The following SAMD4A variants were observed in gnomAD, a reference collection of about 807,000 sequenced individuals.
SAMD4A encodes protein Smaug homolog 1.
Under a neutral mutation model 81.3 loss-of-function variants are expected in SAMD4A, and 33 were observed. That is an observed-to-expected ratio of 0.41 (90% CI 0.31 to 0.54). The LOEUF (loss-of-function observed/expected upper bound fraction) is 0.54, where lower values mean the gene tolerates loss of function less well. Among genes scored for constraint, SAMD4A ranks in the 20% least tolerant of loss-of-function variants. The pLI, the probability that SAMD4A is intolerant of heterozygous loss-of-function variation, is 0.37. For synonymous variants in SAMD4A, 389 were observed against 382.1 expected (o/e 1.02, Z -0.21); for missense variants, 854 against 951.1 (o/e 0.90, Z 1.34).
At chr14:54,565,788 A>T (rs1298950784), upstream of SAMD4A, among the ~76,000 whole-genome samples, 1 of 151,020 alleles carries the variant, frequency 6.6e-6, no homozygotes, top group Non-Finnish European at 1.5e-5. The surrounding 1 kb of genome is among the most constrained non-coding windows in gnomAD (Gnocchi z 5.4). Flanking sequence ...CCTCCAGAAC[A>T]CGCAGGCGGC....
At chr14:54,764,387 TGA>T (rs2038482742) in intron 7 of SAMD4A, 66 bp from the exon 8 acceptor site, 1 of 1,063,318 alleles carries the variant, frequency 9.4e-7, no homozygotes, top group Middle Eastern at 2.1e-4. Flanking sequence ...TGAAGGGAAA[TGA>T]GAGTCAGGTC....
chr14:54,762,905 A>AGTGCAGTG (rs2038440417), intron 7 of SAMD4A, among the ~76,000 whole-genome samples: 2 of 149,284 alleles, frequency 1.3e-5, no homozygotes, highest in Non-Finnish European at 3.0e-5. Flanking sequence ...CGCAGGCTGG[A>AGTGCAGTG]GTGCAGTGGC....
rs982016951 is a variant in SAMD4A, at chr14:54,627,355, C to T, written c.196+59243C>T. 5.9e-5 allele frequency among the ~76,000 whole-genome samples: 9 copies of T among 152,004 alleles called. 1 individual carries two copies. The highest frequency in any genetic ancestry group is 5.8e-4 in the East Asian group (3 of 5,196). On this transcript the variant is annotated intron_variant, in intron 2 of 12. Coordinates refer to ENST00000554335, the MANE Select transcript of SAMD4A (RefSeq NM_015589.6). The stretch of plus-strand genomic sequence containing the variant: ...TAGTTTTTCAAAGACGCAGCTTGTC[C>T]GTTACATTTGCTGCTCCGTGGCTGA...
intron 2 of SAMD4A, among the ~76,000 whole-genome samples, chr14:54,572,311 A>G (rs1400307184): frequency 6.6e-6 from 1 of 152,092 alleles, no homozygotes; most frequent in Non-Finnish European, 1.5e-5. Context: ...TGAGGAGGAG[A>G]TACATTTGAG....
chr14:54,697,394 G>A (rs2036603005), intron 2 of SAMD4A, among the ~76,000 whole-genome samples: 1 of 152,180 alleles, frequency 6.6e-6, no homozygotes, highest in Admixed American at 6.5e-5. Flanking sequence ...ATCATAATCA[G>A]AAATTATGTA....
At chr14:54,614,878 A>G (rs533963190) in intron 2 of SAMD4A, among the ~76,000 whole-genome samples, 1 of 152,214 alleles carries the variant, frequency 6.6e-6, no homozygotes, top group Non-Finnish European at 1.5e-5. Context: ...GAAGTCCTCA[A>G]GTCAGAGGGG....
chr14:54,650,401 G>A (rs990797290), intron 2 of SAMD4A, among the ~76,000 whole-genome samples: 3 of 152,120 alleles, frequency 2.0e-5, no homozygotes, highest in Admixed American at 6.5e-5. Context: ...TCTTGCATTT[G>A]TTGGAATGGC....
intron 9 of SAMD4A, among the ~76,000 whole-genome samples, chr14:54,770,908 G>A (rs529095910): frequency 1.1e-4 from 16 of 152,238 alleles, no homozygotes; most frequent in Admixed American, 3.3e-4. Flanking sequence ...CAATGATAGG[G>A]AATTGTTGGG....
intron 2 of SAMD4A, among the ~76,000 whole-genome samples, chr14:54,612,993 T>C (rs933470592): frequency 6.6e-6 from 1 of 152,124 alleles, no homozygotes; most frequent in African/African-American, 2.4e-5. Context: ...GGCATGCACC[T>C]GTAGTCCCAG....
At chr14:54,769,351 G>T (rs935353555) in intron 8 of SAMD4A, among the ~76,000 whole-genome samples, 3 of 152,198 alleles carry the variant, frequency 2.0e-5, no homozygotes, top group Admixed American at 2.0e-4. Flanking sequence ...GAGAGTTCCT[G>T]CCTTGGAGAC....
At chr14:54,758,838 A>C (rs1200333669) in intron 6 of SAMD4A, among the ~76,000 whole-genome samples, 1 of 152,170 alleles carries the variant, frequency 6.6e-6, no homozygotes, top group East Asian at 1.9e-4. Flanking sequence ...TCCAAAAAAA[A>C]AAAAATTAAA....
At chr14:54,591,265 G>A (rs1421622989) in intron 2 of SAMD4A, among the ~76,000 whole-genome samples, 1 of 152,146 alleles carries the variant, frequency 6.6e-6, no homozygotes, top group East Asian at 1.9e-4. Flanking sequence ...CTAGCCTCTA[G>A]GGGTACTTTA....
chr14:54,782,879 TTC>T (rs1383279521), intron 11 of SAMD4A, among the ~76,000 whole-genome samples: 2 of 152,202 alleles, frequency 1.3e-5, no homozygotes, highest in Non-Finnish European at 2.9e-5. Context: ...CTTCTCTTTC[TTC>T]TCTCTCTGGC....
intron 2 of SAMD4A, among the ~76,000 whole-genome samples, chr14:54,605,458 TA>T (rs1473145339): frequency 1.3e-5 from 2 of 152,224 alleles, no homozygotes; most frequent in African/African-American, 4.8e-5. Context: ...TACATATTTT[TA>T]AAAATATGTG....
rs541311307 is a variant in SAMD4A, at chr14:54,635,368, T to C, written c.197-66694T>C. Among the ~76,000 whole-genome samples, 17 of 151,798 alleles carry C rather than the reference T, an allele frequency of 1.1e-4. No individual in the cohort carries two copies. The South Asian group carries it at 3.1e-3, about 28-fold the overall frequency. On this transcript the variant is annotated intron_variant, in intron 2 of 12. Transcript: ENST00000554335. ...CAAACCCAGGAGGCGGAGGTTGCAG[T>C]GAGCTGAGATCACGCCATTGCAATC...
intron 6 of SAMD4A, among the ~76,000 whole-genome samples, chr14:54,752,757 ACC>A (rs2038140331): frequency 6.6e-6 from 1 of 152,180 alleles, no homozygotes; most frequent in African/African-American, 2.4e-5. Flanking sequence ...CTGCACCGGC[ACC>A]GGTCTCTGAG....
chr14:54,786,509 C>T lies in SAMD4A; in HGVS notation c.2128+1889C>T, dbSNP rs536790851. Among the ~76,000 whole-genome samples the T allele has an allele frequency of 1.2e-3, 183 of 152,348 alleles. 1 individual carries two copies. Among genetic ancestry groups the T allele is most frequent in the African/African-American group, 4.2e-3 (174 of 41,584 alleles). On this transcript the variant is annotated intron_variant, in intron 12 of 12. Coordinates refer to ENST00000554335, the MANE Select transcript of SAMD4A (RefSeq NM_015589.6). ...CCTGGGGCCAGAGTTAGGATAGCAG[C>T]TGGTGAGTGAGTCCCCTGAGCTGGC...
At chr14:54,635,268 C>CA (rs535897530) in intron 2 of SAMD4A, among the ~76,000 whole-genome samples, 19 of 150,286 alleles carry the variant, frequency 1.3e-4, no homozygotes, top group South Asian at 1.3e-3. Context: ...ACTAAAAATA[C>CA]AAAAAAATTA....
chr14:54,671,201 G>A (rs2035873951), intron 2 of SAMD4A, among the ~76,000 whole-genome samples: 1 of 152,226 alleles, frequency 6.6e-6, no homozygotes, highest in Non-Finnish European at 1.5e-5. Context: ...AGTAATTTTA[G>A]CTGGAGTTGG....
Sources: allele counts gnomAD v4.1 joint callset (sites outside exome capture counted in the v4.1 genomes callset), GRCh38; gene constraint gnomAD v4.1.1; non-coding constraint Gnocchi (gnomAD v3.1); transcripts MANE v1.5; gene names NCBI Gene and HGNC (gene_info 2026-07-23, HGNC 2026-07-21).